Variants in FRYL observed in about 807,000 individuals in gnomAD.
FRYL encodes the protein protein furry homolog-like.
A neutral mutation model predicts 351.2 loss-of-function variants in FRYL; 150 were observed. The observed-to-expected ratio is 0.43, with a 90% CI of 0.37 to 0.49. FRYL has a LOEUF of 0.49. Ranked by LOEUF, FRYL falls within the 20% of genes least tolerant of loss-of-function variation. The probability of loss-of-function intolerance (pLI) is 0.00; values close to 1 mark genes in which losing one functional copy is unlikely to be tolerated. For synonymous variants in FRYL, 1,153 were observed against 1,257.1 expected (o/e 0.92, Z 1.75); for missense variants, 3,036 against 3,619.3 (o/e 0.84, Z 4.13).
chr4:48,747,166 C>T (rs1419021057), intron 1 of FRYL, among the ~76,000 whole-genome samples: 1 of 150,730 alleles, frequency 6.6e-6, no homozygotes, highest in African/African-American at 2.4e-5. Context: ...CCCCTATCCC[C>T]CCCCAAAAAA....
At chr4:48,612,555 T>C (rs1309592239) in intron 7 of FRYL, among the ~76,000 whole-genome samples, 1 of 151,834 alleles carries the variant, frequency 6.6e-6, no homozygotes, top group Admixed American at 6.6e-5. Context: ...TTTATTACAG[T>C]ATATTGTTAC....
At chr4:48,698,746 A>G (rs1353354842) in intron 2 of FRYL, among the ~76,000 whole-genome samples, 1 of 152,218 alleles carries the variant, frequency 6.6e-6, no homozygotes, top group African/African-American at 2.4e-5. Context: ...TTCACATTCC[A>G]GTACACATCC....
At chr4:48,712,096 G>T (rs1331116758) in intron 1 of FRYL, among the ~76,000 whole-genome samples, 1 of 152,082 alleles carries the variant, frequency 6.6e-6, no homozygotes, top group East Asian at 1.9e-4. Context: ...ACCAAAAGTA[G>T]ATAAAACCAC....
At chr4:48,698,229 G>A (rs1766391354) in intron 2 of FRYL, among the ~76,000 whole-genome samples, 1 of 152,236 alleles carries the variant, frequency 6.6e-6, no homozygotes, top group Admixed American at 6.5e-5. Flanking sequence ...TGAAGAAGTG[G>A]TGCTCACAGC....
At chr4:48,601,341 C>A (rs1319235366) in intron 13 of FRYL, among the ~76,000 whole-genome samples, 1 of 152,206 alleles carries the variant, frequency 6.6e-6, no homozygotes, top group Non-Finnish European at 1.5e-5. Context: ...GCATGACATG[C>A]AGCTGAAGAA....
At chr4:48,767,478 C>T (rs1187401127) in intron 1 of FRYL, among the ~76,000 whole-genome samples, 1 of 152,158 alleles carries the variant, frequency 6.6e-6, no homozygotes, top group Non-Finnish European at 1.5e-5. Flanking sequence ...GAATATTATT[C>T]GCCTTAAAAA....
chr4:48,637,541 C>T (rs1754481382), intron 3 of FRYL: 1 of 151,734 alleles, frequency 6.6e-6, no homozygotes. Context: ...GAAGACATAA[C>T]TGTTAATATA....
Position 48,542,073 on chromosome 4 carries a change from A to C in FRYL, c.5641T>G (p.Leu1881Val), listed in dbSNP as rs1165394966. ...LLTLESAIDTLAETMKHYDLL... is the reference protein window; with the variant it reads ...LLTLESAIDTVAETMKHYDLL... ...TCATAATGCTTCATGGTTTCAGCCA[A>C]AGTATCAATTGCAGATTCCAATGTG... The change falls in exon 45 of 64, where the codon TTG (leucine) becomes GTG (valine). Residue 1881 changes from leucine to valine, a missense_variant. Leu to Val is a conservative substitution (Grantham distance 32, BLOSUM62 1). This residue lies in a region of FRYL where 1,987 missense variants were observed against 2,311.7 expected (regional missense o/e 0.86). Coordinates refer to ENST00000358350, the MANE Select transcript of FRYL (RefSeq NM_015030.2). 1.9e-6 allele frequency: 3 copies of C among 1,613,868 alleles called. No homozygotes were observed. In the Admixed American group the frequency reaches 5.0e-5, roughly 27 times the overall value.
At chr4:48,625,001 A>G (rs1454970599) in intron 4 of FRYL, among the ~76,000 whole-genome samples, 1 of 152,184 alleles carries the variant, frequency 6.6e-6, no homozygotes, top group Non-Finnish European at 1.5e-5. Flanking sequence ...ACTAGAACTT[A>G]TACCATGGGC....
intron 3 of FRYL, among the ~76,000 whole-genome samples, chr4:48,661,814 C>T (rs1702798): frequency 0.41 from 62,756 of 151,672 alleles, 14,257 homozygotes; most frequent in Admixed American, 0.56. Flanking sequence ...GTTCTTTAAA[C>T]GGCAATTATA....
intron 3 of FRYL, among the ~76,000 whole-genome samples, chr4:48,668,373 C>T (rs945973094): frequency 4.8e-5 from 7 of 147,340 alleles, no homozygotes; most frequent in Non-Finnish European, 1.0e-4. Context: ...AGCAACACTC[C>T]ATCTCAAAAA....
At chr4:48,557,172 C>A in intron 34 of FRYL, 54 bp from the exon 35 acceptor site, 1 of 1,530,754 alleles carries the variant, frequency 6.5e-7, no homozygotes, top group Non-Finnish European at 8.9e-7. Flanking sequence ...ATTATAAAAA[C>A]CAAACTTGTC....
chr4:48,583,887 A>G (rs1401963822), intron 19 of FRYL, among the ~76,000 whole-genome samples: 2 of 152,084 alleles, frequency 1.3e-5, no homozygotes, highest in Non-Finnish European at 2.9e-5. Context: ...CCTGGGCAAC[A>G]GAGCAAGACA....
At chr4:48,578,909 A>G (rs1429608981) in intron 23 of FRYL, 64 bp downstream of exon 23, 13 of 1,409,870 alleles carry the variant, frequency 9.2e-6, no homozygotes, top group Non-Finnish European at 1.3e-5. Flanking sequence ...GAATTTTTCA[A>G]ATAAATACAT....
intron 1 of FRYL, among the ~76,000 whole-genome samples, chr4:48,767,923 G>A (rs965204421): frequency 6.6e-5 from 10 of 152,268 alleles, no homozygotes; most frequent in African/African-American, 2.2e-4. Flanking sequence ...CAGCCCCAGC[G>A]GTGCCCTCAG....
intron 36 of FRYL, among the ~76,000 whole-genome samples, chr4:48,552,146 A>G (rs192722694): frequency 6.6e-6 from 1 of 152,178 alleles, no homozygotes; most frequent in African/African-American, 2.4e-5. Context: ...CTAAAATTTG[A>G]GACTGCACCC....
At chr4:48,599,069 T>C (rs1172715257) in intron 13 of FRYL, among the ~76,000 whole-genome samples, 21 of 152,150 alleles carry the variant, frequency 1.4e-4, no homozygotes, top group Middle Eastern at 3.2e-3. Flanking sequence ...AAGATACACC[T>C]ATAATATTCC....
Position 48,724,254 on chromosome 4 carries a change from C to T in FRYL, c.-383-13556G>A, listed in dbSNP as rs377449799. ...ACAGGGGAAAAAGTCCATGGCCAAA[C>T]ATCTCTGACTTTTCCTTTCCCCTAT... On this transcript the variant is annotated intron_variant, in intron 1 of 63. Transcript: ENST00000358350. 5.8e-4 allele frequency among the ~76,000 whole-genome samples: 89 copies of T among 152,314 alleles called. 1 individual carries two copies. The highest frequency in any genetic ancestry group is 2.0e-3 in the African/African-American group (85 of 41,580).
rs369692259 is a variant in FRYL at position 48,553,323 on chromosome 4, C to T, written c.4327G>A (p.Val1443Met). The change falls in exon 36 of 64, where the codon GTG becomes ATG. Residue 1443 changes from valine (V) to methionine (M), a missense_variant. Val to Met is a conservative substitution (Grantham distance 21). Around this residue, in one of 7 missense-constraint regions of FRYL, gnomAD observed 1,987 missense variants for 2,311.7 expected, o/e 0.86. Coordinates refer to ENST00000358350, the MANE Select transcript of FRYL (RefSeq NM_015030.2). ...DKTMQLLEEL[V>M]SELQLTDPVS... Reference sequence around the variant, plus strand: ...GGATCGGTCAGCTGAAGCTCACTCACCAGCTCTTCTAGCAACTGCATTGTT... The same window carrying T: ...GGATCGGTCAGCTGAAGCTCACTCATCAGCTCTTCTAGCAACTGCATTGTT... 2 of 1,611,706 alleles carry T rather than the reference C, an allele frequency of 1.2e-6. No individual in the cohort carries two copies. The highest frequency in any genetic ancestry group is 1.1e-5 in the South Asian group (1 of 91,022).
Sources: gnomAD v4.1 joint callset for allele counts (sites outside exome capture counted in the v4.1 genomes callset) on GRCh38, gnomAD v4.1.1 for gene constraint, gnomAD v4.1.1 regional missense constraint, MANE v1.5 for transcripts, NCBI Gene and HGNC (gene_info 2026-07-23, HGNC 2026-07-21) for gene names.